The following ARMH3 variants were observed in gnomAD, a reference collection of about 807,000 sequenced individuals.
ARMH3 encodes the protein armadillo-like helical domain-containing protein 3.
A neutral mutation model predicts 99.1 loss-of-function variants in ARMH3; 60 were observed. That is an observed-to-expected ratio of 0.61 (90% confidence interval 0.49 to 0.75). The LOEUF (loss-of-function observed/expected upper bound fraction) is 0.75, where lower values mean the gene tolerates loss of function less well. Ranked by LOEUF, ARMH3 falls within the 30% of genes least tolerant of loss-of-function variation. The probability of loss-of-function intolerance (pLI) is 0.00; values close to 1 mark genes in which losing one functional copy is unlikely to be tolerated. For synonymous variants in ARMH3, 285 were observed against 292.8 expected (o/e 0.97, Z 0.27); for missense variants, 679 against 843.1 (o/e 0.81, Z 2.41).
At chr10:101,965,874 C>G (rs2135865977) in intron 20 of ARMH3, among the ~76,000 whole-genome samples, 1 of 152,314 alleles carries the variant, frequency 6.6e-6, no homozygotes, top group African/African-American at 2.4e-5. Flanking sequence ...CACTCAGCTT[C>G]AGCCCATGTT....
intron 14 of ARMH3, among the ~76,000 whole-genome samples, chr10:102,004,354 A>T (rs559146314): frequency 1.3e-5 from 2 of 152,356 alleles, no homozygotes; most frequent in East Asian, 3.9e-4. Flanking sequence ...GAGACAGAAT[A>T]AAATCCCTCA....
At chr10:101,889,933 A>T (rs1189093895) in intron 23 of ARMH3, among the ~76,000 whole-genome samples, 1 of 152,200 alleles carries the variant, frequency 6.6e-6, no homozygotes, top group Non-Finnish European at 1.5e-5. Flanking sequence ...ACTTGTTAGT[A>T]AATAGTTTCA....
chr10:101,972,299 A>G (rs1845802783), intron 20 of ARMH3, among the ~76,000 whole-genome samples: 1 of 152,202 alleles, frequency 6.6e-6, no homozygotes, highest in African/African-American at 2.4e-5. Flanking sequence ...GTGATACTAA[A>G]CACCCACATT....
intron 22 of ARMH3, among the ~76,000 whole-genome samples, chr10:101,948,916 A>G (rs541223134): frequency 6.6e-6 from 1 of 152,292 alleles, no homozygotes; most frequent in South Asian, 2.1e-4. Flanking sequence ...ACAAAACTAA[A>G]CTAGAAATTA....
intron 21 of ARMH3, 79 bp downstream of exon 21, chr10:101,957,571 A>T: frequency 6.8e-7 from 1 of 1,479,348 alleles, no homozygotes; most frequent in Non-Finnish European, 9.1e-7. Flanking sequence ...TCCCCAGACC[A>T]CCAGCTCCTG....
intron 23 of ARMH3, among the ~76,000 whole-genome samples, chr10:101,934,324 G>T (rs1265676034): frequency 3.3e-5 from 5 of 152,124 alleles, no homozygotes; most frequent in Non-Finnish European, 7.4e-5. Context: ...AAGAAGGGTG[G>T]GTGAGGGGAC....
intron 23 of ARMH3, among the ~76,000 whole-genome samples, chr10:101,890,109 A>G (rs2067650802): frequency 6.6e-6 from 1 of 152,124 alleles, no homozygotes; most frequent in African/African-American, 2.4e-5. Context: ...GTGCCTTGGT[A>G]TAGGTCTTTG....
At chr10:102,005,985 T>C (rs1489115303) in intron 14 of ARMH3, among the ~76,000 whole-genome samples, 4 of 152,214 alleles carry the variant, frequency 2.6e-5, no homozygotes, top group Admixed American at 2.0e-4. Flanking sequence ...CAAATATTTA[T>C]TAAGCAAGTA....
Position 101,847,617 on chromosome 10 carries a change from G to GTTGGTGC in ARMH3, c.1980_1981insGCACCAA (p.Arg661AlafsTer6). The GTTGGTGC allele has an allele frequency of 6.2e-7, 1 of 1,614,090 alleles. No individual in the cohort carries two copies. The highest frequency in any genetic ancestry group is 8.5e-7 in the Non-Finnish European group (1 of 1,179,956). ...CTCCGGACGTTGGTGCTAATGGATC[G>GTTGGTGC]AACCTGGGAAAGGGTAGTTGGGGAA... On this transcript the variant is annotated frameshift_variant, in exon 26 of 26. Coordinates refer to ENST00000370033, the MANE Select transcript of ARMH3 (RefSeq NM_024541.3). LOFTEE classifies it high-confidence loss of function.
intron 15 of ARMH3, 116 bp downstream of exon 15, chr10:102,001,855 A>ACACAAGG (rs2066368663): frequency 2.2e-6 from 2 of 903,248 alleles, no homozygotes; most frequent in Middle Eastern, 2.4e-4. Context: ...AAGACCATGT[A>ACACAAGG]CACAAGGCCC....
chr10:101,948,165 A>G (rs1844633591), intron 22 of ARMH3, among the ~76,000 whole-genome samples: 1 of 152,192 alleles, frequency 6.6e-6, no homozygotes, highest in African/African-American at 2.4e-5. Flanking sequence ...CAGACTGGAT[A>G]ATAAACACGA....
intron 15 of ARMH3, 118 bp downstream of exon 15, chr10:102,001,853 G>C: frequency 1.1e-6 from 1 of 881,970 alleles, no homozygotes; most frequent in Non-Finnish European, 1.8e-6. Flanking sequence ...TGAAGACCAT[G>C]TACACAAGGC....
chr10:102,038,716 T>C (rs901459523), intron 2 of ARMH3, among the ~76,000 whole-genome samples: 3 of 152,034 alleles, frequency 2.0e-5, no homozygotes, highest in Non-Finnish European at 4.4e-5. Flanking sequence ...TCCAGGCACA[T>C]AATAGAAACC....
At chr10:101,935,196 TATAC>T (rs1265552680) in intron 23 of ARMH3, among the ~76,000 whole-genome samples, 1 of 147,612 alleles carries the variant, frequency 6.8e-6, no homozygotes, top group Non-Finnish European at 1.5e-5. Flanking sequence ...TATATATATA[TATAC>T]ATTTTTTGTA....
chr10:101,917,738 T>C (rs1843144362), intron 23 of ARMH3, among the ~76,000 whole-genome samples: 1 of 152,208 alleles, frequency 6.6e-6, no homozygotes, highest in Admixed American at 6.5e-5. Context: ...GGTCCATCAA[T>C]ATCATTTCTC....
At chr10:101,859,028 C>G (rs2066799147) in intron 24 of ARMH3, among the ~76,000 whole-genome samples, 1 of 152,198 alleles carries the variant, frequency 6.6e-6, no homozygotes, top group Non-Finnish European at 1.5e-5. Context: ...GCTTCAAAAG[C>G]CCTCAGAGCC....
At chr10:102,041,094 T>TATATATATATATATATATA (rs2067409882) in intron 1 of ARMH3, among the ~76,000 whole-genome samples, 1 of 142,970 alleles carries the variant, frequency 7.0e-6, no homozygotes, top group African/African-American at 2.6e-5. Flanking sequence ...ATATATAATA[T>TATATATATATATATATATA]ATATATATAT....
At chr10:101,906,686 G>C (rs1842648680) in intron 23 of ARMH3, among the ~76,000 whole-genome samples, 1 of 152,164 alleles carries the variant, frequency 6.6e-6, no homozygotes, top group Non-Finnish European at 1.5e-5. Flanking sequence ...AAACATAGGA[G>C]AGAAAAGTTC....
chr10:101,853,919 C>T (rs1322627918), intron 24 of ARMH3, among the ~76,000 whole-genome samples: 1 of 152,146 alleles, frequency 6.6e-6, no homozygotes, highest in Non-Finnish European at 1.5e-5. Context: ...TCGAGACCAG[C>T]CTGGCCAAGA....
Sources: gnomAD v4.1 joint callset for allele counts (sites outside exome capture counted in the v4.1 genomes callset) on GRCh38, gnomAD v4.1.1 for gene constraint, MANE v1.5 for transcripts, NCBI Gene and HGNC (gene_info 2026-07-23, HGNC 2026-07-21) for gene names.